The following CNNM1 variants were observed in gnomAD, a reference collection of about 807,000 sequenced individuals.
CNNM1 encodes metal transporter CNNM1.
CNNM1 carries 44 observed loss-of-function variants against 78.8 expected under a neutral mutation model. That is an observed-to-expected ratio of 0.56 (90% confidence interval 0.44 to 0.72). The LOEUF is 0.72. Among genes scored for constraint, CNNM1 ranks in the 30% least tolerant of loss-of-function variants. The probability of loss-of-function intolerance (pLI) is 0.00; values close to 1 mark genes in which losing one functional copy is unlikely to be tolerated. For missense variants in CNNM1, 1,101 were observed against 1,292.2 expected (o/e 0.85, Z 2.27); for synonymous variants, 584 against 581.5 (o/e 1.00, Z -0.06).
chr10:99,386,080 G>A (rs1250260432), intron 7 of CNNM1, among the ~76,000 whole-genome samples: 1 of 152,192 alleles, frequency 6.6e-6, no homozygotes, highest in Non-Finnish European at 1.5e-5. Context: ...ATCGATTGAA[G>A]ACTTTGGATA....
intron 6 of CNNM1, among the ~76,000 whole-genome samples, chr10:99,371,625 G>C (rs1029799465): frequency 1.3e-5 from 2 of 152,138 alleles, no homozygotes; most frequent in African/African-American, 4.8e-5. Flanking sequence ...AATGTGGTAA[G>C]TGGAAATATT....
intron 6 of CNNM1, 170 bp downstream of exon 6, chr10:99,365,172 C>T: frequency 1.4e-6 from 1 of 715,048 alleles, no homozygotes. Context: ...TACCCACAGA[C>T]CATGGGAGCT....
intron 1 of CNNM1, among the ~76,000 whole-genome samples, chr10:99,346,212 A>G (rs2030689940): frequency 1.3e-5 from 2 of 152,326 alleles, no homozygotes; most frequent in South Asian, 2.1e-4. Flanking sequence ...GTTTTAGTGT[A>G]CAAGATGTAT....
intron 7 of CNNM1, among the ~76,000 whole-genome samples, chr10:99,380,801 AAAG>A (rs2032122974): frequency 2.0e-5 from 3 of 151,314 alleles, no homozygotes; most frequent in Non-Finnish European, 4.4e-5. Context: ...AAAAAAAAAA[AAAG>A]AGAAAACAAA....
At position 99,335,544 on chromosome 10, in the gene CNNM1, C is replaced by T. The variant is rs139069197; in HGVS notation, c.1573+4584C>T. On this transcript the variant is annotated intron_variant, in intron 1 of 10. Transcript: ENST00000356713. ...GTTTGAGTGAGGTGAACCCTAAGTA[C>T]GGAATAATTAATGTTGTTCCTTGAT... Among the ~76,000 whole-genome samples the T allele has an allele frequency of 5.0e-3, 765 of 152,234 alleles. 7 individuals are homozygous for T. Among genetic ancestry groups the T allele is most frequent in the African/African-American group, 0.017 (707 of 41,514 alleles).
intron 1 of CNNM1, among the ~76,000 whole-genome samples, chr10:99,352,248 T>C (rs1392275361): frequency 6.6e-6 from 1 of 152,232 alleles, no homozygotes; most frequent in Non-Finnish European, 1.5e-5. Flanking sequence ...TGTGTCTGGC[T>C]TCTCTCACTT....
intron 7 of CNNM1, among the ~76,000 whole-genome samples, chr10:99,385,397 A>T (rs1406278179): frequency 6.6e-6 from 1 of 151,674 alleles, no homozygotes; most frequent in Non-Finnish European, 1.5e-5. Context: ...TTGATTAAGG[A>T]TTTATTTTTC....
intron 1 of CNNM1, among the ~76,000 whole-genome samples, chr10:99,347,083 T>C (rs1352949680): frequency 6.6e-6 from 1 of 152,134 alleles, no homozygotes; most frequent in Non-Finnish European, 1.5e-5. Context: ...TATTGGGTAC[T>C]ATGCTTAGTA....
chr10:99,391,290 C>T (rs748140689), intron 10 of CNNM1, 147 bp from the exon 11 acceptor site: 5 of 620,708 alleles, frequency 8.1e-6, no homozygotes, highest in Non-Finnish European at 8.7e-6. Context: ...ATATCAGCAC[C>T]AGCATACAAT....
Position 99,330,383 on chromosome 10 carries a change from C to T in CNNM1, c.996C>T (p.Thr332=), listed in dbSNP as rs933446502. 2 of 1,595,646 alleles carry T rather than the reference C, an allele frequency of 1.3e-6. No individual in the cohort carries two copies. Among genetic ancestry groups the T allele is most frequent in the African/African-American group, 1.3e-5 (1 of 74,594 alleles). ...CGTGGCTGCCGGCGCTCGTGTGCAC[C>T]GGCGCGGTATTCCTGGGCGCCGAAA... ...HFPWLPALVC[T]GAVFLGAEIC... The change falls in exon 1 of 11, where the codon ACC becomes ACT. Residue 332 remains threonine, a synonymous_variant. Transcript: ENST00000356713.
chr10:99,372,799 C>T (rs952698091), intron 6 of CNNM1, among the ~76,000 whole-genome samples: 10 of 152,084 alleles, frequency 6.6e-5, no homozygotes, highest in African/African-American at 1.9e-4. Flanking sequence ...ATTGATCTTG[C>T]GCAATACTCA....
chr10:99,353,305 C>G (rs2031013637), intron 1 of CNNM1, among the ~76,000 whole-genome samples: 1 of 151,920 alleles, frequency 6.6e-6, no homozygotes, highest in Non-Finnish European at 1.5e-5. Context: ...AGATTACCCT[C>G]ACGGGTGGGG....
intron 1 of CNNM1, among the ~76,000 whole-genome samples, chr10:99,331,711 C>T (rs2029924351): frequency 6.6e-6 from 1 of 152,172 alleles, no homozygotes; most frequent in East Asian, 1.9e-4. Context: ...AAGAGCAAGA[C>T]CCTGTCTTTG....
intron 7 of CNNM1, among the ~76,000 whole-genome samples, chr10:99,382,132 T>C (rs1225366325): frequency 3.3e-5 from 5 of 152,222 alleles, no homozygotes; most frequent in Non-Finnish European, 2.9e-5. Context: ...AAGGGCTTTT[T>C]ATATCCAACA....
intron 1 of CNNM1, among the ~76,000 whole-genome samples, chr10:99,343,553 C>T (rs1323392755): frequency 6.6e-6 from 1 of 152,080 alleles, no homozygotes; most frequent in Non-Finnish European, 1.5e-5. Flanking sequence ...GAGGTGGAAC[C>T]AGAACTCACA....
chr10:99,342,565 GT>G (rs1434980965), intron 1 of CNNM1, among the ~76,000 whole-genome samples: 1 of 152,124 alleles, frequency 6.6e-6, no homozygotes, highest in African/African-American at 2.4e-5. Flanking sequence ...GAAAGGGACA[GT>G]TTTGTTTTTC....
chr10:99,377,371 A>T (rs1250827547), intron 7 of CNNM1, 153 bp downstream of exon 7: 1 of 682,774 alleles, frequency 1.5e-6, no homozygotes, highest in African/African-American at 1.8e-5. Context: ...TACTGGCTGT[A>T]TAAAGGCTGT....
chr10:99,354,590 A>G (rs905685899), intron 1 of CNNM1, among the ~76,000 whole-genome samples: 2 of 152,182 alleles, frequency 1.3e-5, no homozygotes, highest in African/African-American at 4.8e-5. Context: ...GCTAGTTACA[A>G]GAAGTAGCAA....
chr10:99,366,834 C>T (rs2031636762), intron 6 of CNNM1, among the ~76,000 whole-genome samples: 2 of 152,108 alleles, frequency 1.3e-5, no homozygotes, highest in Admixed American at 1.3e-4. Context: ...TCTTCCTTTC[C>T]TTCCTTCCTG....
Sources: allele counts gnomAD v4.1 joint callset (sites outside exome capture counted in the v4.1 genomes callset), GRCh38; gene constraint gnomAD v4.1.1; transcripts MANE v1.5; gene names NCBI Gene and HGNC (gene_info 2026-07-23, HGNC 2026-07-21).